SMIM14: variants seen among roughly 807,000 people sequenced by gnomAD.
SMIM14 encodes small integral membrane protein 14, also known as chromosome 4 open reading frame 34.
A neutral mutation model predicts 12.6 loss-of-function variants in SMIM14; 5 were observed. That is an observed-to-expected ratio of 0.40 (90% CI 0.21 to 0.83). The LOEUF (loss-of-function observed/expected upper bound fraction) is 0.83, where lower values mean the gene tolerates loss of function less well. Ranked by LOEUF, SMIM14 falls within the 40% of genes least tolerant of loss-of-function variation. The probability of loss-of-function intolerance (pLI) is 0.37; values close to 1 mark genes in which losing one functional copy is unlikely to be tolerated. For synonymous variants in SMIM14, 30 were observed against 40.1 expected (o/e 0.75, Z 0.95); for missense variants, 86 against 119.1 (o/e 0.72, Z 1.29).
intron 3 of SMIM14, 139 bp downstream of exon 3, chr4:39,572,276 G>GTTT (rs1187081932): frequency 2.3e-6 from 1 of 427,874 alleles, no homozygotes; most frequent in African/African-American, 3.6e-5. Flanking sequence ...CGTATGTGTC[G>GTTT]CTTTTTTTTT....
At chr4:39,615,619 G>A (rs1715191640) in intron 1 of SMIM14, among the ~76,000 whole-genome samples, 1 of 152,042 alleles carries the variant, frequency 6.6e-6, no homozygotes, top group African/African-American at 2.4e-5. Context: ...GCATGTGTGG[G>A]GGCAGGGGAT....
chr4:39,555,070 A>C (rs906924175), intron 4 of SMIM14, among the ~76,000 whole-genome samples: 1 of 151,924 alleles, frequency 6.6e-6, no homozygotes, highest in Non-Finnish European at 1.5e-5. Flanking sequence ...TCCTGACCTC[A>C]GGTGATCCGC....
At chr4:39,608,594 G>T (rs955238493) in intron 1 of SMIM14, among the ~76,000 whole-genome samples, 8 of 152,148 alleles carry the variant, frequency 5.3e-5, no homozygotes, top group African/African-American at 1.4e-4. Flanking sequence ...GCTAGAATAG[G>T]CAAATTCATG....
chr4:39,566,284 T>C lies in SMIM14; in HGVS notation c.124+6131A>G, dbSNP rs993249881. Among the ~76,000 whole-genome samples the C allele has an allele frequency of 4.0e-5, 6 of 150,748 alleles. No homozygotes were observed. The South Asian group carries it at 1.3e-3, about 32-fold the overall frequency. On this transcript the variant is annotated intron_variant, in intron 3 of 4. Coordinates refer to ENST00000295958, the MANE Select transcript of SMIM14 (RefSeq NM_174921.3). ...AGAAGGATAGAACTGCCATTAACTG[T>C]TATAGGAAGGATCTCAAGAGAAGCA... is the stretch of plus-strand genomic sequence containing the variant.
At position 39,605,093 on chromosome 4, in the gene SMIM14, G is replaced by C. The variant is rs752876008; in HGVS notation, c.53C>G (p.Ala18Gly). ...CACCAGATTGATCAGTCTTCTCATTGCATGTTCATGAGAGCAAACACATTC... is the reference window on the plus strand; with the variant it reads ...CACCAGATTGATCAGTCTTCTCATTCCATGTTCATGAGAGCAAACACATTC... ...PCECVCSHEHAMRRLINLLRQ... is the reference protein window; with the variant it reads ...PCECVCSHEHGMRRLINLLRQ... Residue 18 changes from alanine (A) to glycine (G), a missense_variant, in exon 2 of 5, where the codon GCA becomes GGA. By Grantham distance (60) the Ala-to-Gly change is moderately conservative. Coordinates refer to ENST00000295958, the MANE Select transcript of SMIM14 (RefSeq NM_174921.3). 1 of 1,607,314 alleles carries C rather than the reference G, an allele frequency of 6.2e-7. No homozygotes were observed. The highest frequency in any genetic ancestry group is 8.5e-7 in the Non-Finnish European group (1 of 1,176,102).
At chr4:39,578,805 G>A (rs1365379103) in intron 2 of SMIM14, among the ~76,000 whole-genome samples, 1 of 151,966 alleles carries the variant, frequency 6.6e-6, no homozygotes, top group Non-Finnish European at 1.5e-5. Flanking sequence ...AGACAAGCCT[G>A]GCCAAAATGG....
At position 39,582,406 on chromosome 4, in the gene SMIM14, T is replaced by C. The variant is rs756008513; in HGVS notation, c.76-9943A>G. Among the ~76,000 whole-genome samples the C allele has an allele frequency of 6.7e-4, 102 of 151,194 alleles. 2 individuals are homozygous for C. The highest frequency in any genetic ancestry group is 3.7e-4 in the Non-Finnish European group (25 of 68,002). ...TTGGCCGGGCACGGTGGCTTATGCC[T>C]GTAATCCCAGCACTTTGGGAAGCCG... On this transcript the variant is annotated intron_variant, in intron 2 of 4. Transcript: ENST00000295958.
intron 2 of SMIM14, among the ~76,000 whole-genome samples, chr4:39,583,724 T>C (rs1174573317): frequency 6.6e-6 from 1 of 152,116 alleles, no homozygotes; most frequent in Non-Finnish European, 1.5e-5. Flanking sequence ...TCTAACACAG[T>C]ATATATGATG....
chr4:39,575,732 C>T (rs1041378023), intron 2 of SMIM14, among the ~76,000 whole-genome samples: 1 of 147,192 alleles, frequency 6.8e-6, no homozygotes, highest in Admixed American at 7.0e-5. Context: ...TACAGGTGCA[C>T]ATCACCATGC....
chr4:39,596,737 A>G (rs1268733172), intron 2 of SMIM14, among the ~76,000 whole-genome samples: 1 of 152,154 alleles, frequency 6.6e-6, no homozygotes, highest in South Asian at 2.1e-4. Flanking sequence ...GGCACTCACT[A>G]GCACTTCTCT....
intron 2 of SMIM14, among the ~76,000 whole-genome samples, chr4:39,604,538 A>AAAT (rs1053701127): frequency 9.2e-4 from 140 of 151,666 alleles, no homozygotes; most frequent in South Asian, 1.5e-3. Flanking sequence ...CTCCATCTCA[A>AAAT]AATAATAATA....
chr4:39,596,170 A>G (rs1578343470), intron 2 of SMIM14, among the ~76,000 whole-genome samples: 1 of 151,726 alleles, frequency 6.6e-6, no homozygotes, highest in Non-Finnish European at 1.5e-5. Context: ...ATCTCGGCTC[A>G]CCGCAACCTC....
intron 1 of SMIM14, among the ~76,000 whole-genome samples, chr4:39,628,545 G>A (rs1435814574): frequency 6.6e-6 from 1 of 150,912 alleles, no homozygotes; most frequent in Non-Finnish European, 1.5e-5. Context: ...CGGGCATAGT[G>A]GCACACGCGT....
chr4:39,584,197 T>C (rs570525669), intron 2 of SMIM14, among the ~76,000 whole-genome samples: 27 of 151,866 alleles, frequency 1.8e-4, no homozygotes, highest in Admixed American at 1.6e-3. Context: ...TGAAAATAAT[T>C]TGGACTAGGC....
intron 1 of SMIM14, among the ~76,000 whole-genome samples, chr4:39,632,410 G>A (rs1400451236): frequency 1.3e-5 from 2 of 150,998 alleles, no homozygotes; most frequent in African/African-American, 2.4e-5. Flanking sequence ...AACCCGGGAG[G>A]CAGAGGTTGC....
chr4:39,595,706 T>C (rs1488136939), intron 2 of SMIM14, among the ~76,000 whole-genome samples: 1 of 150,836 alleles, frequency 6.6e-6, no homozygotes, highest in African/African-American at 2.5e-5. Context: ...CCTCCTGGGC[T>C]CAAGCGATTC....
At position 39,636,708 on chromosome 4, in the gene SMIM14, A is replaced by AC. The variant is rs11323441; in HGVS notation, c.-36+2030dup. Among the ~76,000 whole-genome samples the AC allele has an allele frequency of 4.1e-3, 618 of 149,800 alleles. 2 individuals carry two copies. The highest frequency in any genetic ancestry group is 0.014 in the Middle Eastern group (4 of 294). ...TTTAAAATTAAAAAATTATAAAACAACCCCCCCCCAGTGGATGCCTAAAGC... is the reference window on the plus strand; with the variant it reads ...TTTAAAATTAAAAAATTATAAAACAACCCCCCCCCCAGTGGATGCCTAAAGC... On this transcript the variant is annotated intron_variant, in intron 1 of 4. Transcript: ENST00000295958.
At chr4:39,602,246 CAAAA>C (rs11300312) in intron 2 of SMIM14, among the ~76,000 whole-genome samples, 3 of 122,328 alleles carry the variant, frequency 2.5e-5, no homozygotes, top group Non-Finnish European at 3.4e-5. Context: ...AGTCATGTCT[CAAAA>C]AAAAAAAAAA....
rs141147211 is a variant in SMIM14 at position 39,558,286 on chromosome 4, G to A, written c.125-1716C>T. On this transcript the variant is annotated intron_variant, in intron 3 of 4. Coordinates refer to ENST00000295958, the MANE Select transcript of SMIM14 (RefSeq NM_174921.3). The surrounding 1 kb of genome is among the most constrained non-coding windows in gnomAD (Gnocchi z 4.3). Reference sequence around the variant, plus strand: ...GTGGATTGCTTGAGCTCAGGAATTCGAGACCAGCCTGGGCGATATGGTGAA... The same window carrying A: ...GTGGATTGCTTGAGCTCAGGAATTCAAGACCAGCCTGGGCGATATGGTGAA... 1.4e-3 allele frequency among the ~76,000 whole-genome samples: 219 copies of A among 152,306 alleles called. 1 individual carries two copies. The highest frequency in any genetic ancestry group is 5.0e-3 in the African/African-American group (207 of 41,570).
Sources: allele counts gnomAD v4.1 joint callset (sites outside exome capture counted in the v4.1 genomes callset), GRCh38; gene constraint gnomAD v4.1.1; non-coding constraint Gnocchi (gnomAD v3.1); transcripts MANE v1.5; gene names NCBI Gene and HGNC (gene_info 2026-07-23, HGNC 2026-07-21).